RPH3A: variants seen among roughly 807,000 people sequenced by gnomAD.
RPH3A encodes the protein rabphilin 3A.
A neutral mutation model predicts 102.2 loss-of-function variants in RPH3A; 48 were observed. That is an observed-to-expected ratio of 0.47 (90% CI 0.37 to 0.60). The LOEUF (loss-of-function observed/expected upper bound fraction) is 0.60, where lower values mean the gene tolerates loss of function less well. Ranked by LOEUF, RPH3A falls within the 20% of genes least tolerant of loss-of-function variation. The pLI, the probability that RPH3A is intolerant of heterozygous loss-of-function variation, is 0.00. For synonymous variants in RPH3A, 310 were observed against 324.3 expected, an observed-to-expected ratio of 0.96 and a Z score of 0.47; for missense variants, 781 against 910.1, an observed-to-expected ratio of 0.86 and a Z score of 1.83.
intron 5 of RPH3A, among the ~76,000 whole-genome samples, chr12:112,858,226 C>A (rs1227702406): frequency 7.2e-6 from 1 of 139,606 alleles, no homozygotes; most frequent in African/African-American, 2.7e-5. Flanking sequence ...ATGATCAAGC[C>A]ACTGCACTCC....
intron 1 of RPH3A, among the ~76,000 whole-genome samples, chr12:112,769,345 T>G (rs2040912918): frequency 6.6e-6 from 1 of 152,220 alleles, no homozygotes; most frequent in African/African-American, 2.4e-5. Context: ...AGAAAATAGT[T>G]TCATCTCACG....
intron 2 of RPH3A, among the ~76,000 whole-genome samples, chr12:112,803,880 G>A (rs1281827116): frequency 6.6e-6 from 1 of 152,050 alleles, no homozygotes; most frequent in African/African-American, 2.4e-5. Flanking sequence ...CAAGTTACTT[G>A]GCCTCTCTGG....
chr12:112,659,484 G>A (rs1437791228), intron 1 of RPH3A, among the ~76,000 whole-genome samples: 2 of 152,282 alleles, frequency 1.3e-5, no homozygotes, highest in East Asian at 3.9e-4. Context: ...TTACAGAAGG[G>A]ATGCTGGTTT....
chr12:112,702,642 G>A (rs1565852958), intron 1 of RPH3A, among the ~76,000 whole-genome samples: 1 of 152,210 alleles, frequency 6.6e-6, no homozygotes, highest in African/African-American at 2.4e-5. Flanking sequence ...GAGTAAAGAA[G>A]AGTGACTGAA....
chr12:112,592,702 G>A (rs1006304937), intron 1 of RPH3A, among the ~76,000 whole-genome samples: 2 of 152,192 alleles, frequency 1.3e-5, no homozygotes, highest in Admixed American at 6.5e-5. Context: ...ACTGATGGCC[G>A]ACTGTATATC....
At chr12:112,599,171 A>G (rs2039539331) in intron 1 of RPH3A, among the ~76,000 whole-genome samples, 1 of 152,194 alleles carries the variant, frequency 6.6e-6, no homozygotes, top group Non-Finnish European at 1.5e-5. Flanking sequence ...GTGTGTGTGT[A>G]GCAAGACCAA....
chr12:112,721,259 T>G (rs1206941209), intron 1 of RPH3A, among the ~76,000 whole-genome samples: 1 of 152,120 alleles, frequency 6.6e-6, no homozygotes, highest in African/African-American at 2.4e-5. Context: ...GCCATGAAAA[T>G]TACTCCTCCA....
intron 1 of RPH3A, among the ~76,000 whole-genome samples, chr12:112,741,641 G>C (rs1215523943): frequency 1.3e-5 from 2 of 152,150 alleles, no homozygotes; most frequent in African/African-American, 4.8e-5. Context: ...AGAGCTGTGT[G>C]AGATAAAGTA....
intron 1 of RPH3A, among the ~76,000 whole-genome samples, chr12:112,666,253 T>C (rs1566249588): frequency 6.6e-6 from 1 of 152,152 alleles, no homozygotes; most frequent in African/African-American, 2.4e-5. Context: ...TCCTCTGCTG[T>C]GTGGTGCCAG....
chr12:112,876,851 G>GATTC lies in RPH3A; in HGVS notation c.1157_1160dup (p.Asp388PhefsTer3). On this transcript the variant is annotated frameshift_variant, in exon 13 of 22. Transcript: ENST00000389385. LOFTEE classifies it high-confidence loss of function. ...GGAGGAAGAGGAAGCCAACAGCTACGATTCGGATGAAGCAAGTAGGTGGTG... is the reference window on the plus strand; with the variant it reads ...GGAGGAAGAGGAAGCCAACAGCTACGATTCATTCGGATGAAGCAAGTAGGTGGTG... 1 of 1,601,286 alleles carries GATTC rather than the reference G, an allele frequency of 6.2e-7. No individual in the cohort carries two copies. The highest frequency in any genetic ancestry group is 8.5e-7 in the Non-Finnish European group (1 of 1,172,802).
At chr12:112,720,347 C>A (rs1049843593) in intron 1 of RPH3A, among the ~76,000 whole-genome samples, 2 of 152,226 alleles carry the variant, frequency 1.3e-5, no homozygotes, top group African/African-American at 2.4e-5. Flanking sequence ...GGGGGCCAAC[C>A]AATACATCTT....
rs141784344 is a variant in RPH3A, at chr12:112,712,753, C to T, written c.-139-79390C>T. ...TTGAGACAGGGTCTCACTCTGTTGC[C>T]CAGACTGGAGTGCAGTGGTGTGATC... On this transcript the variant is annotated intron_variant, in intron 1 of 21. Coordinates refer to the RPH3A transcript ENST00000543106. Among the ~76,000 whole-genome samples the T allele has an allele frequency of 2.7e-3, 406 of 151,890 alleles. 3 individuals carry two copies. The highest frequency in any genetic ancestry group is 9.1e-3 in the African/African-American group (378 of 41,416).
intron 1 of RPH3A, among the ~76,000 whole-genome samples, chr12:112,605,428 G>A (rs548172035): frequency 5.9e-5 from 9 of 151,952 alleles, no homozygotes; most frequent in Non-Finnish European, 1.3e-4. Context: ...AAACGAAACC[G>A]AACAAAACAA....
chr12:112,717,310 C>T (rs1199775113), intron 1 of RPH3A, among the ~76,000 whole-genome samples: 1 of 152,154 alleles, frequency 6.6e-6, no homozygotes, highest in African/African-American at 2.4e-5. Context: ...CTCATGCTGC[C>T]TATTCTCCTA....
intron 1 of RPH3A, among the ~76,000 whole-genome samples, chr12:112,684,328 G>A (rs991200222): frequency 2.6e-5 from 4 of 151,964 alleles, no homozygotes; most frequent in Admixed American, 6.6e-5. Flanking sequence ...GTACAATCTC[G>A]GCTCACTGAA....
At chr12:112,680,760 C>A (rs1007326996) in intron 1 of RPH3A, among the ~76,000 whole-genome samples, 8 of 152,168 alleles carry the variant, frequency 5.3e-5, no homozygotes, top group Non-Finnish European at 8.8e-5. Context: ...TTCTCTTGAT[C>A]AATTTTGCCT....
chr12:112,697,890 T>C (rs2040363757), intron 1 of RPH3A, among the ~76,000 whole-genome samples: 2 of 152,150 alleles, frequency 1.3e-5, no homozygotes, highest in South Asian at 4.2e-4. Flanking sequence ...AAACAGACTT[T>C]TTTTTTCTTT....
At chr12:112,715,662 T>C (rs184625413) in intron 1 of RPH3A, among the ~76,000 whole-genome samples, 3 of 152,296 alleles carry the variant, frequency 2.0e-5, no homozygotes, top group East Asian at 1.9e-4. Flanking sequence ...GAGCTCACAG[T>C]GGGCAGGGAC....
intron 20 of RPH3A, 64 bp from the exon 21 acceptor site, chr12:112,895,713 C>G: frequency 2.5e-6 from 3 of 1,218,956 alleles, no homozygotes; most frequent in Non-Finnish European, 3.6e-6. Flanking sequence ...GACTCGGCCT[C>G]TTACCTCCCA....
Sources: gnomAD v4.1 joint callset for allele counts (sites outside exome capture counted in the v4.1 genomes callset) on GRCh38, gnomAD v4.1.1 for gene constraint, MANE v1.5 for transcripts, NCBI Gene and HGNC (gene_info 2026-07-23, HGNC 2026-07-21) for gene names.